Variants in ZNF532 observed in about 807,000 individuals in gnomAD.
ZNF532 encodes zinc finger protein 532.
In ZNF532, 22 loss-of-function variants were observed where a neutral mutation model predicts 89.3. That is an observed-to-expected ratio of 0.25 (90% CI 0.18 to 0.35). ZNF532 has a LOEUF of 0.35. ZNF532 is among the 10% of genes least tolerant of loss of function. The probability of loss-of-function intolerance (pLI) is 1.00; values close to 1 mark genes in which losing one functional copy is unlikely to be tolerated. For missense variants in ZNF532, 1,132 were observed against 1,643.4 expected (o/e 0.69, Z 5.38); for synonymous variants, 606 against 649.6 (o/e 0.93, Z 1.02).
At chr18:58,917,582 C>A (rs2060696991) in intron 2 of ZNF532, among the ~76,000 whole-genome samples, 1 of 152,202 alleles carries the variant, frequency 6.6e-6, no homozygotes, top group African/African-American at 2.4e-5. Flanking sequence ...TTAGTAATGG[C>A]TGTGACCATC....
rs562273116 is a variant in ZNF532, at chr18:58,942,312, G to A, written c.2705+2691G>A. On this transcript the variant is annotated intron_variant, in intron 5 of 9. Coordinates refer to ENST00000591808, the MANE Select transcript of ZNF532 (RefSeq NM_001375912.1). ...GCTGGGATTACAGGCGTGAGCCACC[G>A]CGCCTGGCCCCTCCCTCCCTCCCTC... is the stretch of plus-strand genomic sequence containing the variant. Among the ~76,000 whole-genome samples the A allele has an allele frequency of 1.0e-4, 10 of 100,422 alleles. No homozygotes were observed. The East Asian group carries it at 1.1e-3, about 11-fold the overall frequency. 65.9% of individuals were successfully genotyped at this position (100,422 alleles called of 152,430 possible). A position where few individuals can be genotyped will look rare whatever the true frequency, so the allele number is the denominator to read the frequency against.
At chr18:58,884,034 A>G (rs1300579937) in intron 2 of ZNF532, among the ~76,000 whole-genome samples, 5 of 152,190 alleles carry the variant, frequency 3.3e-5, no homozygotes, top group Non-Finnish European at 7.3e-5. Context: ...CTAATGCTGG[A>G]AGTCTCAAAA....
intron 2 of ZNF532, among the ~76,000 whole-genome samples, chr18:58,868,578 G>A (rs542032607): frequency 1.3e-5 from 2 of 152,222 alleles, no homozygotes; most frequent in South Asian, 2.1e-4. Flanking sequence ...AGCAAGATGC[G>A]TTTCAGATTC....
chr18:58,941,468 C>CTTTTTT (rs71302776), intron 5 of ZNF532, among the ~76,000 whole-genome samples: 15 of 114,908 alleles, frequency 1.3e-4, no homozygotes, highest in Non-Finnish European at 2.1e-4. Context: ...CTCTCTCTCT[C>CTTTTTT]TTTTTTTTTT....
At chr18:58,979,278 A>G in intron 8 of ZNF532, 111 bp downstream of exon 8, 1 of 641,684 alleles carries the variant, frequency 1.6e-6, no homozygotes, top group Non-Finnish European at 2.6e-6. Flanking sequence ...CCTACATTAC[A>G]TTTCTCAATT....
chr18:58,923,955 C>G (rs1039441024), intron 3 of ZNF532, among the ~76,000 whole-genome samples: 1 of 152,104 alleles, frequency 6.6e-6, no homozygotes, highest in Non-Finnish European at 1.5e-5. Flanking sequence ...CTCCTGGGTT[C>G]AAGTGATTCC....
chr18:58,928,546 G>C (rs2061708383), intron 3 of ZNF532, among the ~76,000 whole-genome samples: 2 of 151,892 alleles, frequency 1.3e-5, no homozygotes, highest in Non-Finnish European at 2.9e-5. Flanking sequence ...ACACGATCTG[G>C]GCCAGGAACC....
At chr18:58,889,268 G>C (rs1458448277) in intron 2 of ZNF532, among the ~76,000 whole-genome samples, 2 of 152,044 alleles carry the variant, frequency 1.3e-5, no homozygotes, top group Non-Finnish European at 2.9e-5. Context: ...GCTAGATAGA[G>C]GTGAATAAAC....
intron 3 of ZNF532, among the ~76,000 whole-genome samples, chr18:58,932,087 T>A (rs1047144198): frequency 6.6e-6 from 1 of 152,204 alleles, no homozygotes; most frequent in Admixed American, 6.5e-5. Context: ...GTCTCTAGTG[T>A]CCAGCGTGAT....
intron 9 of ZNF532, among the ~76,000 whole-genome samples, chr18:58,983,432 C>G (rs2068063496): frequency 6.6e-6 from 1 of 152,174 alleles, no homozygotes; most frequent in South Asian, 2.1e-4. Context: ...CTGGCTCTAG[C>G]CCCTCTTCTG....
At chr18:58,915,277 C>G (rs2060524052) in intron 2 of ZNF532, among the ~76,000 whole-genome samples, 1 of 152,210 alleles carries the variant, frequency 6.6e-6, no homozygotes, top group Admixed American at 6.5e-5. Context: ...TATGCATTTT[C>G]AGCTTCTAGT....
chr18:58,960,173 A>T (rs1322092237), intron 7 of ZNF532, among the ~76,000 whole-genome samples: 1 of 152,158 alleles, frequency 6.6e-6, no homozygotes, highest in Non-Finnish European at 1.5e-5. Flanking sequence ...TCCTGACCTC[A>T]AGTGGGATTA....
intron 3 of ZNF532, among the ~76,000 whole-genome samples, chr18:58,931,312 A>G (rs2061945316): frequency 6.6e-6 from 1 of 152,158 alleles, no homozygotes; most frequent in South Asian, 2.1e-4. Flanking sequence ...TACTTGATTA[A>G]AAAAAGTAAG....
At chr18:58,934,749 T>C in intron 4 of ZNF532, 135 bp downstream of exon 4, 1 of 843,398 alleles carries the variant, frequency 1.2e-6, no homozygotes, top group South Asian at 1.8e-5. Flanking sequence ...GGAACCTAGC[T>C]CGTTTGTAGA....
intron 3 of ZNF532, among the ~76,000 whole-genome samples, chr18:58,929,155 T>G (rs2061751809): frequency 6.6e-6 from 1 of 152,190 alleles, no homozygotes; most frequent in African/African-American, 2.4e-5. Context: ...GGTTCATTCT[T>G]TCTGCTTCTC....
At chr18:58,955,896 CAG>C (rs1199819592) in intron 7 of ZNF532, among the ~76,000 whole-genome samples, 4 of 152,176 alleles carry the variant, frequency 2.6e-5, no homozygotes, top group African/African-American at 9.7e-5. Flanking sequence ...AGGGTGCTGT[CAG>C]AGTCTGATGT....
intron 5 of ZNF532, among the ~76,000 whole-genome samples, chr18:58,943,459 CT>C (rs71336308): frequency 1.5e-3 from 203 of 131,132 alleles, no homozygotes; most frequent in Middle Eastern, 4.8e-3. Flanking sequence ...CGCGCCCAGC[CT>C]TTTTTTTTTT....
chr18:58,935,945 C>T (rs554254015), intron 4 of ZNF532, among the ~76,000 whole-genome samples: 66 of 152,088 alleles, frequency 4.3e-4, no homozygotes, highest in Non-Finnish European at 7.4e-4. Context: ...ATCATCAGTT[C>T]CTAGGTGGTT....
chr18:58,869,260 C>T (rs1015338602), intron 2 of ZNF532, among the ~76,000 whole-genome samples: 14 of 152,250 alleles, frequency 9.2e-5, no homozygotes, highest in African/African-American at 3.4e-4. Flanking sequence ...TTGACAGCTG[C>T]AGTTAAGACT....
Sources: allele counts gnomAD v4.1 joint callset (sites outside exome capture counted in the v4.1 genomes callset), GRCh38; gene constraint gnomAD v4.1.1; transcripts MANE v1.5; gene names NCBI Gene and HGNC (gene_info 2026-07-23, HGNC 2026-07-21).